NRXN1: variants seen among roughly 807,000 people sequenced by gnomAD.
NRXN1 encodes the protein neurexin-1.
In NRXN1, 39 loss-of-function variants were observed where a neutral mutation model predicts 150.9. The ratio of observed to expected loss-of-function variants is 0.26; its 90% CI spans 0.20 to 0.34. The LOEUF (loss-of-function observed/expected upper bound fraction) is 0.34, where lower values mean the gene tolerates loss of function less well. Among genes scored for constraint, NRXN1 ranks in the 10% least tolerant of loss-of-function variants. The pLI, the probability that NRXN1 is intolerant of heterozygous loss-of-function variation, is 1.00. For missense variants in NRXN1, 1,815 were observed against 1,949.9 expected, an observed-to-expected ratio of 0.93 and a Z score of 1.30; for synonymous variants, 924 against 757.0, an observed-to-expected ratio of 1.22 and a Z score of -3.62.
At chr2:50,099,074 G>T (rs1700665857) in intron 18 of NRXN1, among the ~76,000 whole-genome samples, 1 of 151,910 alleles carries the variant, frequency 6.6e-6, no homozygotes, top group Non-Finnish European at 1.5e-5. Context: ...GGATGCTGTA[G>T]CTCCTTCAAT....
intron 22 of NRXN1, among the ~76,000 whole-genome samples, chr2:49,923,247 T>G (rs1558509854): frequency 6.6e-6 from 1 of 152,126 alleles, no homozygotes; most frequent in Non-Finnish European, 1.5e-5. Flanking sequence ...AATAAACTTT[T>G]TTGATATAAA....
At chr2:50,938,097 C>T (rs1256837022) in intron 2 of NRXN1, among the ~76,000 whole-genome samples, 3 of 151,870 alleles carry the variant, frequency 2.0e-5, no homozygotes, top group Non-Finnish European at 2.9e-5. Flanking sequence ...TACACCTGTG[C>T]AGGGCACTTA....
At chr2:50,612,877 A>G (rs1678423296) in intron 8 of NRXN1, among the ~76,000 whole-genome samples, 1 of 152,170 alleles carries the variant, frequency 6.6e-6, no homozygotes, top group Admixed American at 6.5e-5. Flanking sequence ...TTTAAAAGGA[A>G]AGGAGGATTT....
At chr2:50,532,077 C>T (rs1231466379) in intron 10 of NRXN1, among the ~76,000 whole-genome samples, 1 of 152,052 alleles carries the variant, frequency 6.6e-6, no homozygotes, top group Non-Finnish European at 1.5e-5. Flanking sequence ...TCTCAAACTC[C>T]TGGACTCCAG....
At chr2:50,943,095 G>GCTCT (rs746976726) in intron 2 of NRXN1, among the ~76,000 whole-genome samples, 10 of 150,176 alleles carry the variant, frequency 6.7e-5, no homozygotes, top group African/African-American at 2.4e-4. Context: ...TCTCCTTTGT[G>GCTCT]CTCTCTCTCT....
chr2:50,361,443 C>A (rs945444277), intron 17 of NRXN1, among the ~76,000 whole-genome samples: 1 of 152,084 alleles, frequency 6.6e-6, no homozygotes, highest in Admixed American at 6.6e-5. Flanking sequence ...CACCACTGAT[C>A]CCACAGATAT....
chr2:50,631,872 G>T (rs1682382860), intron 5 of NRXN1, among the ~76,000 whole-genome samples: 1 of 151,858 alleles, frequency 6.6e-6, no homozygotes, highest in African/African-American at 2.4e-5. Context: ...TACCTACAAT[G>T]TAATCTATAA....
intron 5 of NRXN1, among the ~76,000 whole-genome samples, chr2:50,633,266 T>C (rs138124017): frequency 1.3e-5 from 2 of 152,180 alleles, no homozygotes; most frequent in Admixed American, 1.3e-4. Context: ...TAGTAACACT[T>C]AGAAATGCAA....
chr2:50,826,142 G>C (rs1670420068), intron 5 of NRXN1, among the ~76,000 whole-genome samples: 1 of 152,288 alleles, frequency 6.6e-6, no homozygotes. Context: ...AGAGGGACTG[G>C]GGGAAGGGAA....
chr2:50,022,619 G>C (rs1687734007), intron 21 of NRXN1: 1 of 152,152 alleles, frequency 6.6e-6, no homozygotes, highest in Middle Eastern at 3.2e-3. Context: ...AAATTTTATA[G>C]AATCATTGTC....
intron 18 of NRXN1, among the ~76,000 whole-genome samples, chr2:50,202,294 C>G (rs2062229009): frequency 6.6e-6 from 1 of 152,164 alleles, no homozygotes; most frequent in African/African-American, 2.4e-5. Context: ...ATCACAAGGT[C>G]AGGAGATCGA....
At position 50,799,041 on chromosome 2, in the gene NRXN1, C is replaced by A. The variant is rs546190507; in HGVS notation, c.832+122828G>T. ...GACAAAAAATTCAACTACTTTTGCA[C>A]CAGCCTAATAATTTGGTATAAGCTG... On this transcript the variant is annotated intron_variant, in intron 5 of 22. Transcript: ENST00000401669. Among the ~76,000 whole-genome samples the A allele has an allele frequency of 2.6e-4, 39 of 152,212 alleles. No homozygotes were observed. In the South Asian group the frequency reaches 4.4e-3, roughly 17 times the overall value.
intron 17 of NRXN1, among the ~76,000 whole-genome samples, chr2:50,414,572 T>C (rs577720669): frequency 6.6e-6 from 1 of 152,154 alleles, no homozygotes; most frequent in South Asian, 2.1e-4. Flanking sequence ...GTATTGTCTA[T>C]CTTTCTTTGG....
chr2:50,557,134 C>A (rs1356882864), intron 8 of NRXN1, among the ~76,000 whole-genome samples: 1 of 152,158 alleles, frequency 6.6e-6, no homozygotes, highest in Non-Finnish European at 1.5e-5. Flanking sequence ...AAGTTTTGTA[C>A]AGATGGTGCT....
chr2:50,584,198 T>C (rs111971089), intron 8 of NRXN1, among the ~76,000 whole-genome samples: 5,758 of 152,278 alleles, frequency 0.038, 114 homozygotes, highest in Middle Eastern at 0.13. Flanking sequence ...CCAAAGATAA[T>C]GGGTTCAAAG....
At chr2:51,014,326 G>A (rs995611254) in intron 2 of NRXN1, among the ~76,000 whole-genome samples, 10 of 152,032 alleles carry the variant, frequency 6.6e-5, no homozygotes, top group Non-Finnish European at 1.5e-4. Context: ...TTTTAGCTCA[G>A]TGAAGACAGC....
intron 5 of NRXN1, among the ~76,000 whole-genome samples, chr2:50,645,037 C>G (rs903474146): frequency 2.0e-5 from 3 of 151,622 alleles, no homozygotes; most frequent in East Asian, 1.9e-4. Flanking sequence ...TAAAGAATTT[C>G]AAACTTTCTG....
At chr2:50,318,138 AAAAAATGGACT>A (rs2075756395) in intron 17 of NRXN1, among the ~76,000 whole-genome samples, 2 of 152,120 alleles carry the variant, frequency 1.3e-5, no homozygotes, top group Admixed American at 1.3e-4. Context: ...TCTAATAGGA[AAAAAATGGACT>A]AAAAATGTGA....
At chr2:50,921,986 T>C (rs1686113386) in intron 4 of NRXN1, 106 bp from the exon 5 acceptor site, 2 of 534,546 alleles carry the variant, frequency 3.7e-6, no homozygotes, top group Admixed American at 3.5e-5. Context: ...AAGCCACTAC[T>C]CTCTGAAAAT....
Sources: gnomAD v4.1 joint callset for allele counts (sites outside exome capture counted in the v4.1 genomes callset) on GRCh38, gnomAD v4.1.1 for gene constraint, MANE v1.5 for transcripts, NCBI Gene and HGNC (gene_info 2026-07-23, HGNC 2026-07-21) for gene names.